The following YAP1 variants were observed in gnomAD, a reference collection of about 807,000 sequenced individuals.
YAP1 encodes the protein Yes1 associated transcriptional regulator.
Under a neutral mutation model 56.9 loss-of-function variants are expected in YAP1, and 5 were observed. That is an observed-to-expected ratio of 0.09 (90% CI 0.05 to 0.18). The LOEUF (loss-of-function observed/expected upper bound fraction) is 0.18, where lower values mean the gene tolerates loss of function less well. Among genes scored for constraint, YAP1 ranks in the 10% least tolerant of loss-of-function variants. YAP1 has a pLI of 1.00. For synonymous variants in YAP1, 265 were observed against 248.1 expected, an observed-to-expected ratio of 1.07 and a Z score of -0.64; for missense variants, 539 against 651.8, an observed-to-expected ratio of 0.83 and a Z score of 1.88.
chr11:102,178,586 G>T (rs906596965), intron 3 of YAP1, among the ~76,000 whole-genome samples: 43 of 152,238 alleles, frequency 2.8e-4, no homozygotes, highest in African/African-American at 9.9e-4. Context: ...GTTGGTTTTT[G>T]CTATAGTAGC....
At chr11:102,179,476 T>A (rs1372691473) in intron 3 of YAP1, among the ~76,000 whole-genome samples, 1 of 152,146 alleles carries the variant, frequency 6.6e-6, no homozygotes, top group Non-Finnish European at 1.5e-5. Context: ...GGTAGATTCT[T>A]AACCATAAAA....
chr11:102,143,218 T>C (rs1191075993), intron 2 of YAP1, among the ~76,000 whole-genome samples: 1 of 152,218 alleles, frequency 6.6e-6, no homozygotes, highest in Non-Finnish European at 1.5e-5. Context: ...TTCTGTAGTA[T>C]CTCATATGGC....
At chr11:102,219,338 C>A (rs956665087) in intron 6 of YAP1, among the ~76,000 whole-genome samples, 3 of 151,994 alleles carry the variant, frequency 2.0e-5, no homozygotes, top group African/African-American at 7.3e-5. Context: ...AAAATAATTA[C>A]GATATTTTGT....
intron 2 of YAP1, among the ~76,000 whole-genome samples, chr11:102,162,116 T>G (rs182960430): frequency 1.8e-3 from 281 of 152,330 alleles, no homozygotes; most frequent in Non-Finnish European, 2.6e-3. Flanking sequence ...AATCTTGGGT[T>G]TTAGTCATAT....
At chr11:102,184,064 G>T (rs1190879247) in intron 3 of YAP1, among the ~76,000 whole-genome samples, 1 of 137,332 alleles carries the variant, frequency 7.3e-6, no homozygotes, top group Non-Finnish European at 1.5e-5. Flanking sequence ...GCGACAGAGC[G>T]AGACTCCGTC....
At chr11:102,199,054 T>G (rs1265599222) in intron 4 of YAP1, among the ~76,000 whole-genome samples, 1 of 152,122 alleles carries the variant, frequency 6.6e-6, no homozygotes, top group Admixed American at 6.5e-5. Flanking sequence ...GAGAGAGGTA[T>G]AGGAATCATC....
chr11:102,177,733 A>G (rs1030952775), intron 3 of YAP1, among the ~76,000 whole-genome samples: 1 of 151,942 alleles, frequency 6.6e-6, no homozygotes, highest in Non-Finnish European at 1.5e-5. Flanking sequence ...TGGAAATGGC[A>G]TTTTGAAGAA....
chr11:102,161,901 G>C (rs190764075), intron 2 of YAP1, among the ~76,000 whole-genome samples: 1 of 152,202 alleles, frequency 6.6e-6, no homozygotes, highest in African/African-American at 2.4e-5. Flanking sequence ...AAAGGGCTTT[G>C]TGTAAGAACA....
chr11:102,152,411 T>A (rs951734382), intron 2 of YAP1, among the ~76,000 whole-genome samples: 3 of 152,340 alleles, frequency 2.0e-5, no homozygotes, highest in African/African-American at 7.2e-5. Flanking sequence ...CATGCGACTT[T>A]CACTCTGGCC....
At chr11:102,223,513 G>GT in intron 6 of YAP1, 109 bp from the exon 7 acceptor site, 2 of 1,203,888 alleles carry the variant, frequency 1.7e-6, no homozygotes, top group South Asian at 3.2e-5. Flanking sequence ...TAAAGTAGAT[G>GT]TTTTTAATCT....
intron 2 of YAP1, among the ~76,000 whole-genome samples, chr11:102,156,948 A>G (rs1270879701): frequency 1.3e-5 from 2 of 152,206 alleles, no homozygotes; most frequent in Non-Finnish European, 2.9e-5. Context: ...AATTGGTTTC[A>G]TGCTTGCGGG....
chr11:102,175,485 T>C lies in YAP1; in HGVS notation c.689-10533T>C, dbSNP rs1044604245. On this transcript the variant is annotated intron_variant, in intron 3 of 8. Transcript: ENST00000282441. ...TGTTTATTTTCCCATATTCGGCTTA[T>C]CAAAGCCACAAAATAAGTTAGTGAT... Among the ~76,000 whole-genome samples the C allele has an allele frequency of 4.6e-5, 7 of 152,224 alleles. No homozygotes were observed. The South Asian group carries it at 1.4e-3, about 32-fold the overall frequency.
chr11:102,171,360 A>G (rs1267710305), intron 3 of YAP1, among the ~76,000 whole-genome samples: 1 of 152,240 alleles, frequency 6.6e-6, no homozygotes. Context: ...ACTACCATAT[A>G]TAGTCAGCAT....
intron 2 of YAP1, among the ~76,000 whole-genome samples, chr11:102,160,354 C>A (rs1251665392): frequency 2.0e-5 from 3 of 152,140 alleles, no homozygotes; most frequent in African/African-American, 7.2e-5. Context: ...AAACCACCAA[C>A]TTAAAGGTGT....
At chr11:102,124,885 T>A (rs952181138) in intron 2 of YAP1, among the ~76,000 whole-genome samples, 1 of 152,052 alleles carries the variant, frequency 6.6e-6, no homozygotes, top group African/African-American at 2.4e-5. Context: ...ACAGATTGCG[T>A]ATCACCATGC....
chr11:102,167,360 T>A (rs1388040331), intron 3 of YAP1, among the ~76,000 whole-genome samples: 1 of 152,254 alleles, frequency 6.6e-6, no homozygotes, highest in African/African-American at 2.4e-5. Flanking sequence ...TACTTTACTT[T>A]ATATTAAAAT....
intron 4 of YAP1, among the ~76,000 whole-genome samples, chr11:102,188,272 A>T (rs557274610): frequency 6.6e-6 from 1 of 152,196 alleles, no homozygotes; most frequent in Non-Finnish European, 1.5e-5. Context: ...GATATTCTTC[A>T]AATCTATATT....
At chr11:102,195,178 A>G (rs1265448760) in intron 4 of YAP1, among the ~76,000 whole-genome samples, 2 of 152,192 alleles carry the variant, frequency 1.3e-5, no homozygotes, top group South Asian at 2.1e-4. Context: ...AGCTAATTAG[A>G]ACACGTTCTC....
chr11:102,199,869 T>G (rs1268787315), intron 4 of YAP1, among the ~76,000 whole-genome samples: 2 of 152,354 alleles, frequency 1.3e-5, no homozygotes, highest in East Asian at 3.9e-4. Context: ...CCTAGGACAA[T>G]GTTTACAAGG....
Sources: gnomAD v4.1 joint callset for allele counts (sites outside exome capture counted in the v4.1 genomes callset) on GRCh38, gnomAD v4.1.1 for gene constraint, MANE v1.5 for transcripts, NCBI Gene and HGNC (gene_info 2026-07-23, HGNC 2026-07-21) for gene names.